The following RNGTT variants were observed in gnomAD, a reference collection of about 807,000 sequenced individuals.
RNGTT encodes RNA guanylyltransferase and 5'-phosphatase, also known as mRNA-capping enzyme.
Under a neutral mutation model 79.3 loss-of-function variants are expected in RNGTT, and 33 were observed. The ratio of observed to expected loss-of-function variants is 0.42; its 90% CI spans 0.32 to 0.56. RNGTT has a LOEUF of 0.56. Among genes scored for constraint, RNGTT ranks in the 20% least tolerant of loss-of-function variants. The pLI is 0.17. For synonymous variants in RNGTT, 222 were observed against 235.9 expected (o/e 0.94, Z 0.54); for missense variants, 497 against 739.1 (o/e 0.67, Z 3.80).
rs371140187 is a variant in RNGTT, at chr6:88,906,358, C to G, written c.443+7G>C. On this transcript the variant is annotated splice_region_variant and intron_variant, in intron 5 of 15. Coordinates refer to ENST00000369485, the MANE Select transcript of RNGTT (RefSeq NM_003800.5). ...ATACATCTTCCATTATAACAAGATA[C>G]AAATACCTCCAATCCATTTTCTCCA... is the stretch of plus-strand genomic sequence containing the variant. 43 of 1,554,792 alleles carry G rather than the reference C, an allele frequency of 2.8e-5. No homozygotes were observed. Among genetic ancestry groups the G allele is most frequent in the Non-Finnish European group, 3.6e-5 (41 of 1,144,728 alleles).
At chr6:88,643,944 T>C (rs1259383251) in intron 14 of RNGTT, among the ~76,000 whole-genome samples, 4 of 151,918 alleles carry the variant, frequency 2.6e-5, no homozygotes, top group Non-Finnish European at 5.9e-5. Flanking sequence ...TTAAAAGAAC[T>C]AGAGAAGCAA....
chr6:88,763,441 T>C (rs1045170204), intron 13 of RNGTT, among the ~76,000 whole-genome samples: 3 of 152,166 alleles, frequency 2.0e-5, no homozygotes, highest in Non-Finnish European at 4.4e-5. Context: ...ATCTTAAACA[T>C]TTTGAGGAAC....
intron 11 of RNGTT, among the ~76,000 whole-genome samples, chr6:88,814,009 A>G (rs1780228601): frequency 6.6e-6 from 1 of 152,234 alleles, no homozygotes; most frequent in South Asian, 2.1e-4. Context: ...ATCTATAAAA[A>G]TAAGCTGGTA....
chr6:88,655,702 C>A (rs966378335), intron 14 of RNGTT, among the ~76,000 whole-genome samples: 1 of 152,142 alleles, frequency 6.6e-6, no homozygotes, highest in Non-Finnish European at 1.5e-5. Context: ...TTTTTTCAAG[C>A]CTTTCTGCAG....
At chr6:88,632,651 AAAAC>A (rs1029756739) in intron 14 of RNGTT, among the ~76,000 whole-genome samples, 6 of 152,116 alleles carry the variant, frequency 3.9e-5, no homozygotes, top group African/African-American at 1.2e-4. Flanking sequence ...CATTAAAACA[AAAAC>A]AAACAAACAA....
At chr6:88,802,554 T>TTA (rs1395366695) in intron 11 of RNGTT, among the ~76,000 whole-genome samples, 1 of 152,198 alleles carries the variant, frequency 6.6e-6, no homozygotes, top group Non-Finnish European at 1.5e-5. Context: ...GCTAGGTGCA[T>TTA]TAGTTCATTT....
At chr6:88,615,658 C>T (rs1772190271) in intron 14 of RNGTT, among the ~76,000 whole-genome samples, 1 of 152,144 alleles carries the variant, frequency 6.6e-6, no homozygotes. Flanking sequence ...GTTAGGTAAA[C>T]ACAGTTTTGC....
chr6:88,656,779 TAA>T (rs202061261), intron 14 of RNGTT, among the ~76,000 whole-genome samples: 43 of 135,750 alleles, frequency 3.2e-4, no homozygotes, highest in African/African-American at 6.2e-4. Flanking sequence ...GTTAAGAGAT[TAA>T]AAAAAAAAAA....
chr6:88,812,075 T>C (rs1288498763), intron 11 of RNGTT, among the ~76,000 whole-genome samples: 1 of 152,210 alleles, frequency 6.6e-6, no homozygotes, highest in African/African-American at 2.4e-5. Context: ...AAGTCATCCT[T>C]CTTGCTCATC....
At chr6:88,940,497 T>G (rs1784811760) in intron 2 of RNGTT, among the ~76,000 whole-genome samples, 1 of 151,966 alleles carries the variant, frequency 6.6e-6, no homozygotes, top group South Asian at 2.1e-4. Flanking sequence ...AGTAGTGTAG[T>G]CTCTGTATGG....
At chr6:88,717,013 A>C (rs992697265) in intron 13 of RNGTT, among the ~76,000 whole-genome samples, 2 of 152,168 alleles carry the variant, frequency 1.3e-5, no homozygotes, top group Admixed American at 1.3e-4. Flanking sequence ...TGAAAAGATC[A>C]CCTGACTCAT....
At chr6:88,693,107 G>T (rs1775539454) in intron 13 of RNGTT, among the ~76,000 whole-genome samples, 1 of 151,790 alleles carries the variant, frequency 6.6e-6, no homozygotes, top group East Asian at 1.9e-4. Flanking sequence ...AAAGTTAGCA[G>T]AAAGAAGGAA....
intron 13 of RNGTT, among the ~76,000 whole-genome samples, chr6:88,706,958 T>C (rs183022414): frequency 6.6e-6 from 1 of 152,304 alleles, no homozygotes; most frequent in Admixed American, 6.5e-5. Context: ...CTGTTGTTAA[T>C]ATGACTACAC....
At chr6:88,834,366 T>C (rs1045994480) in intron 11 of RNGTT, among the ~76,000 whole-genome samples, 8 of 152,296 alleles carry the variant, frequency 5.3e-5, no homozygotes, top group Admixed American at 3.3e-4. Context: ...ATGAATGAGA[T>C]TGAAAGGATC....
intron 13 of RNGTT, among the ~76,000 whole-genome samples, chr6:88,726,009 C>CAG (rs370743130): frequency 1.3e-3 from 189 of 149,046 alleles, no homozygotes; most frequent in African/African-American, 2.6e-3. Flanking sequence ...AAGAGGAAAT[C>CAG]AGAGAGAGAG....
intron 14 of RNGTT, among the ~76,000 whole-genome samples, chr6:88,677,149 T>C (rs1774905482): frequency 1.3e-5 from 2 of 152,156 alleles, no homozygotes; most frequent in Non-Finnish European, 2.9e-5. Flanking sequence ...AATCTCAAAA[T>C]AATTATGCTG....
intron 13 of RNGTT, among the ~76,000 whole-genome samples, chr6:88,760,985 A>ATTT (rs35887359): frequency 0.14 from 18,043 of 133,490 alleles, 1,308 homozygotes; most frequent in Middle Eastern, 0.25. Flanking sequence ...AGCTCATTCT[A>ATTT]TTTTTTTTTT....
intron 1 of RNGTT, among the ~76,000 whole-genome samples, chr6:88,954,880 T>TA (rs1029551116): frequency 6.6e-6 from 1 of 151,578 alleles, no homozygotes; most frequent in African/African-American, 2.4e-5. Context: ...ATGCCTCTAC[T>TA]AAAAATACAA....
chr6:88,731,728 A>C (rs1054288962), intron 13 of RNGTT, among the ~76,000 whole-genome samples: 1 of 152,180 alleles, frequency 6.6e-6, no homozygotes, highest in Non-Finnish European at 1.5e-5. Flanking sequence ...TAACATCAAG[A>C]ATACAGCTGA....
Sources: gnomAD v4.1 joint callset for allele counts (sites outside exome capture counted in the v4.1 genomes callset) on GRCh38, gnomAD v4.1.1 for gene constraint, MANE v1.5 for transcripts, NCBI Gene and HGNC (gene_info 2026-07-23, HGNC 2026-07-21) for gene names.